STS: variants seen among roughly 807,000 people sequenced by gnomAD.
STS encodes steroid sulfatase.
In STS, 7 loss-of-function variants were observed where a neutral mutation model predicts 26.8. That is an observed-to-expected ratio of 0.26 (90% confidence interval 0.15 to 0.49). STS has a LOEUF of 0.49. STS is among the 20% of genes least tolerant of loss of function. The pLI is 0.98. For synonymous variants in STS, 199 were observed against 189.4 expected (o/e 1.05, Z -0.42); for missense variants, 434 against 465.6 (o/e 0.93, Z 0.63).
intron 1 of STS, among the ~76,000 whole-genome samples, chrX:7,180,616 C>G (rs751087141): frequency 3.6e-5 from 4 of 111,662 alleles, no homozygotes; most frequent in Non-Finnish European, 3.8e-5. Context: ...CTCACATTCT[C>G]CAAAGCTCGC....
At chrX:7,342,561 C>T (rs773754697) in intron 10 of STS, among the ~76,000 whole-genome samples, 1 of 112,280 alleles carries the variant, frequency 8.9e-6, no homozygotes, top group African/African-American at 3.2e-5. Context: ...ACAGATGCAC[C>T]CAGCCACCAG....
chrX:7,211,882 C>T (rs1304498458), intron 2 of STS, among the ~76,000 whole-genome samples: 1 of 110,721 alleles, frequency 9.0e-6, no homozygotes, highest in African/African-American at 3.3e-5. Flanking sequence ...TAGGACATCT[C>T]TTCATAGAGA....
intron 2 of STS, among the ~76,000 whole-genome samples, chrX:7,242,160 G>A (rs991013540): frequency 9.0e-6 from 1 of 110,938 alleles, no homozygotes; most frequent in Non-Finnish European, 1.9e-5. Flanking sequence ...AACAGGAGGC[G>A]ATTGTATCAG....
intron 2 of STS, among the ~76,000 whole-genome samples, chrX:7,225,895 A>G (rs1476441006): frequency 8.9e-6 from 1 of 112,280 alleles, no homozygotes; most frequent in Non-Finnish European, 1.9e-5. Context: ...GCATCCCGGA[A>G]TGTAAAAGCT....
At chrX:7,174,170 ATAGGGTTTCTCT>A (rs1933522073) in intron 1 of STS, among the ~76,000 whole-genome samples, 1 of 111,769 alleles carries the variant, frequency 8.9e-6, no homozygotes, top group Non-Finnish European at 1.9e-5. Context: ...ATGCGGCCCT[ATAGGGTTTCTCT>A]TTAATGAACC....
rs1928892985 is a variant in STS at position 7,353,705 on chromosome X, A to T, written c.*3444A>T. ...GGAGTGAGAAGGGCATGGTATTGGGACTAGGATCGGCTCTCATTCGATCGA... is the reference window on the plus strand; with the variant it reads ...GGAGTGAGAAGGGCATGGTATTGGGTCTAGGATCGGCTCTCATTCGATCGA... On this transcript the variant is annotated 3_prime_UTR_variant, in exon 11 of 11. Coordinates refer to ENST00000674429, the MANE Select transcript of STS (RefSeq NM_001320752.2). 1 of 111,522 alleles carries T rather than the reference A, an allele frequency of 9.0e-6. No individual in the cohort carries two copies. Among genetic ancestry groups the T allele is most frequent in the Admixed American group, 9.6e-5 (1 of 10,450 alleles). The allele number at this position is 111,522 out of a possible 1,213,427, so 9.2% of individuals were successfully genotyped here.
intron 1 of STS, among the ~76,000 whole-genome samples, chrX:7,156,045 G>C (rs772504366): frequency 3.6e-5 from 4 of 109,649 alleles, no homozygotes; most frequent in East Asian, 2.9e-4. Context: ...CAGCTACTTG[G>C]GGGGACTGAG....
At chrX:7,276,746 G>T (rs1038670536) in intron 7 of STS, among the ~76,000 whole-genome samples, 1 of 112,096 alleles carries the variant, frequency 8.9e-6, no homozygotes, top group Admixed American at 9.5e-5. Context: ...CGAGATCCTC[G>T]TGTTCTTCTT....
At chrX:7,299,508 CTA>C (rs1172361523) in intron 7 of STS, among the ~76,000 whole-genome samples, 12 of 105,615 alleles carry the variant, frequency 1.1e-4, no homozygotes, top group Non-Finnish European at 1.9e-4. Context: ...TAAAACATAT[CTA>C]TGTTATATTT....
intron 7 of STS, among the ~76,000 whole-genome samples, chrX:7,281,360 G>C (rs1040498409): frequency 1.8e-5 from 2 of 111,620 alleles, no homozygotes; most frequent in African/African-American, 6.5e-5. Flanking sequence ...ATCCCCTGTT[G>C]GCTGAGCATG....
chrX:7,325,649 G>C (rs1927407686), intron 9 of STS, 151 bp downstream of exon 9: 1 of 620,370 alleles, frequency 1.6e-6, no homozygotes, highest in Middle Eastern at 4.9e-4. Flanking sequence ...TCAATTAATA[G>C]GATAAAAGGC....
At chrX:7,276,495 C>G (rs2147107393) in intron 7 of STS, among the ~76,000 whole-genome samples, 1 of 111,643 alleles carries the variant, frequency 9.0e-6, no homozygotes, top group Admixed American at 9.5e-5. Flanking sequence ...TATCTTTACC[C>G]TCTTTTGCAT....
intron 1 of STS, among the ~76,000 whole-genome samples, chrX:7,173,828 T>A (rs770050110): frequency 1.9e-4 from 21 of 112,215 alleles, no homozygotes; most frequent in Admixed American, 1.7e-3. Flanking sequence ...ATCCTGCAGA[T>A]CAAATATTGC....
chrX:7,148,140 G>GGCGAGGAGGAAGTGCGCGC (rs1450490348), intron 1 of STS, 57 bp downstream of exon 1: 21 of 1,068,848 alleles, frequency 2.0e-5, no homozygotes, highest in Non-Finnish European at 2.5e-5. Flanking sequence ...TCTGGGTGGG[G>GGCGAGGAGGAAGTGCGCGC]GCGAGGAGGA....
chrX:7,252,475 A>C, intron 2 of STS: 1 of 141,180 alleles, frequency 7.1e-6, no homozygotes, highest in Non-Finnish European at 1.3e-5. Context: ...CTCCGGTTCT[A>C]AATGGAGAAC....
At chrX:7,250,373 G>A (rs1161004406) in intron 2 of STS, among the ~76,000 whole-genome samples, 1 of 106,018 alleles carries the variant, frequency 9.4e-6, no homozygotes, top group Non-Finnish European at 1.9e-5. Flanking sequence ...GATTTTGGTT[G>A]TATAAAGACC....
intron 7 of STS, among the ~76,000 whole-genome samples, chrX:7,283,643 A>G (rs1924985202): frequency 9.0e-6 from 1 of 110,593 alleles, no homozygotes; most frequent in African/African-American, 3.3e-5. Context: ...ATGCAGGGCC[A>G]GAAAGTAGGA....
intron 1 of STS, among the ~76,000 whole-genome samples, chrX:7,160,407 C>T (rs1282497861): frequency 8.9e-6 from 1 of 112,157 alleles, no homozygotes; most frequent in Non-Finnish European, 1.9e-5. Flanking sequence ...TGCTCATTTG[C>T]CCTGAAACAA....
At chrX:7,340,473 T>C (rs748102269) in intron 10 of STS, among the ~76,000 whole-genome samples, 2 of 112,429 alleles carry the variant, frequency 1.8e-5, no homozygotes, top group Non-Finnish European at 3.7e-5. Context: ...GTTAATCTCA[T>C]GTTCTTGAAA....
Sources: gnomAD v4.1 joint callset for allele counts (sites outside exome capture counted in the v4.1 genomes callset) on GRCh38, gnomAD v4.1.1 for gene constraint, MANE v1.5 for transcripts, NCBI Gene and HGNC (gene_info 2026-07-23, HGNC 2026-07-21) for gene names.